The following USP45 variants were observed in gnomAD, a reference collection of about 807,000 sequenced individuals.
USP45 encodes the protein ubiquitin specific peptidase 45.
Under a neutral mutation model 95.8 loss-of-function variants are expected in USP45, and 89 were observed. The observed-to-expected ratio is 0.93, with a 90% CI of 0.78 to 1.11. The LOEUF (loss-of-function observed/expected upper bound fraction) is 1.11. Among genes scored for constraint, USP45 ranks in the 50% least tolerant of loss-of-function variants. The probability of loss-of-function intolerance (pLI) is 0.00; values close to 1 mark genes in which losing one functional copy is unlikely to be tolerated. For missense variants in USP45, 898 were observed against 942.5 expected, an observed-to-expected ratio of 0.95 and a Z score of 0.62; for synonymous variants, 281 against 316.2, an observed-to-expected ratio of 0.89 and a Z score of 1.18.
At chr6:99,469,953 T>C (rs1788982421) in intron 9 of USP45, among the ~76,000 whole-genome samples, 2 of 152,068 alleles carry the variant, frequency 1.3e-5, no homozygotes, top group South Asian at 4.1e-4. Flanking sequence ...ACAAGTTATA[T>C]ATATGGTATA....
chr6:99,507,617 C>T, intron 3 of USP45, 86 bp from the exon 4 acceptor site: 2 of 892,264 alleles, frequency 2.2e-6, no homozygotes, highest in South Asian at 3.3e-5. Context: ...CACACTTATA[C>T]TGAAAAGTTT....
chr6:99,479,601 C>A (rs77217503), intron 8 of USP45, among the ~76,000 whole-genome samples: 1,695 of 116,720 alleles, frequency 0.015, no homozygotes, highest in Non-Finnish European at 0.017. Flanking sequence ...TTCCAACAGA[C>A]AAAAAAAAAA....
rs1252834051 is a variant in USP45, at chr6:99,432,952, G to A, written c.*2764C>T. 6.6e-6 allele frequency: 1 copy of A among 152,492 alleles called. No homozygotes were observed. The highest frequency in any genetic ancestry group is 1.5e-5 in the Non-Finnish European group (1 of 68,026). 9.4% of individuals were successfully genotyped at this position (152,492 alleles called of 1,614,324 possible). ...AGCTCTGTTGGTACATTTAAAATAA[G>A]AGAACAGGCATCAACTATTCTTTGA... On this transcript the variant is annotated 3_prime_UTR_variant, in exon 18 of 18. Transcript: ENST00000500704.
intron 1 of USP45, among the ~76,000 whole-genome samples, chr6:99,510,983 A>T (rs1281578458): frequency 6.6e-6 from 1 of 152,216 alleles, no homozygotes; most frequent in Admixed American, 6.5e-5. Context: ...AGCATAGTAA[A>T]GCCACTCTAT....
intron 1 of USP45, among the ~76,000 whole-genome samples, chr6:99,511,160 G>T (rs1357329922): frequency 6.7e-6 from 1 of 149,828 alleles, no homozygotes; most frequent in African/African-American, 2.4e-5. Context: ...ATACTAATTA[G>T]ATTCCACATT....
At chr6:99,441,130 G>A (rs886734747) in intron 15 of USP45, among the ~76,000 whole-genome samples, 5 of 146,856 alleles carry the variant, frequency 3.4e-5, no homozygotes, top group African/African-American at 5.1e-5. Context: ...TAGGCCTTAC[G>A]TCTGGCATGA....
chr6:99,475,779 T>C (rs1412281195), intron 9 of USP45, among the ~76,000 whole-genome samples: 6 of 151,122 alleles, frequency 4.0e-5, no homozygotes, highest in Non-Finnish European at 8.8e-5. Context: ...ATTTCTCAAC[T>C]GTACTTTTAA....
intron 8 of USP45, among the ~76,000 whole-genome samples, chr6:99,478,090 A>C (rs1456490901): frequency 2.0e-5 from 3 of 152,184 alleles, no homozygotes; most frequent in Non-Finnish European, 4.4e-5. Context: ...CAGACACACA[A>C]GGAGGAAATC....
rs1179416569 is a variant in USP45, at chr6:99,479,192, A to T, written c.846-2962T>A. On this transcript the variant is annotated intron_variant, in intron 8 of 17. Coordinates refer to ENST00000500704, the MANE Select transcript of USP45 (RefSeq NM_001346022.3). ...CACACACACACACACACACATACACAAAGTGTATAGATATGTCAAAACTTA... is the reference window on the plus strand; with the variant it reads ...CACACACACACACACACACATACACTAAGTGTATAGATATGTCAAAACTTA... Among the ~76,000 whole-genome samples the T allele has an allele frequency of 6.3e-5, 9 of 143,876 alleles. No homozygotes were observed. In the Admixed American group the frequency reaches 6.5e-4, roughly 10 times the overall value. The allele number at this position is 143,876 out of a possible 152,430, so 94.4% of individuals were successfully genotyped here.
At chr6:99,455,101 AAC>A (rs1554230460) in intron 13 of USP45, among the ~76,000 whole-genome samples, 4 of 150,238 alleles carry the variant, frequency 2.7e-5, no homozygotes, top group Non-Finnish European at 4.4e-5. Context: ...AAAAAAAAAA[AAC>A]AAAAAACAAA....
At chr6:99,466,896 A>G in intron 10 of USP45, 133 bp from the exon 11 acceptor site, 2 of 633,832 alleles carry the variant, frequency 3.2e-6, no homozygotes, top group Non-Finnish European at 2.7e-6. Context: ...ACATTTTACT[A>G]TACATACAAC....
At chr6:99,476,275 T>C (rs769169691) in intron 8 of USP45, 45 bp from the exon 9 acceptor site, 6 of 1,560,166 alleles carry the variant, frequency 3.8e-6, no homozygotes, top group Non-Finnish European at 8.8e-7. Flanking sequence ...GAATAATCAT[T>C]CCATGGTTCA....
chr6:99,481,025 G>A (rs1019881465), intron 8 of USP45, among the ~76,000 whole-genome samples: 1 of 152,142 alleles, frequency 6.6e-6, no homozygotes, highest in African/African-American at 2.4e-5. Flanking sequence ...AGGCATGCTT[G>A]AGCCCAGGAA....
intron 4 of USP45, among the ~76,000 whole-genome samples, chr6:99,505,460 G>A (rs1339447294): frequency 6.6e-6 from 1 of 151,946 alleles, no homozygotes; most frequent in African/African-American, 2.4e-5. Flanking sequence ...GAGGTTGGGA[G>A]TTCGAGACTG....
At chr6:99,438,420 G>A (rs1375708150) in intron 16 of USP45, among the ~76,000 whole-genome samples, 1 of 152,142 alleles carries the variant, frequency 6.6e-6, no homozygotes, top group Non-Finnish European at 1.5e-5. Flanking sequence ...CAGGTAGAAT[G>A]TCATGGAGAA....
In USP45 at chr6:99,446,386, G is replaced by A; in HGVS notation, c.1386C>T (p.Asn462=). ...GETVTYQKNE[N]LEMNGDSLMF... ...TTAAAGAATCCCCATTCATTTCAAG[G>A]TTTTCATTTTTCTGGTATGTGACAG... Residue 462 remains asparagine, a synonymous_variant, in exon 14 of 18, where the codon AAC becomes AAT. Transcript: ENST00000500704. The A allele has an allele frequency of 6.2e-7, 1 of 1,613,994 alleles. No individual in the cohort carries two copies. The highest frequency in any genetic ancestry group is 2.2e-5 in the East Asian group (1 of 44,876).
intron 13 of USP45, among the ~76,000 whole-genome samples, chr6:99,456,252 T>G (rs1785069944): frequency 6.6e-6 from 1 of 151,822 alleles, no homozygotes. Context: ...AGAGGTATGT[T>G]AGTGAGTACA....
chr6:99,471,063 A>G (rs1297942698), intron 9 of USP45, among the ~76,000 whole-genome samples: 1 of 152,202 alleles, frequency 6.6e-6, no homozygotes, highest in East Asian at 1.9e-4. Flanking sequence ...CTGTGATTAC[A>G]CTCTAAAAAG....
At chr6:99,516,376 A>T (rs1801110131), upstream of USP45, among the ~76,000 whole-genome samples, 1 of 152,170 alleles carries the variant, frequency 6.6e-6, no homozygotes, top group Admixed American at 6.5e-5. Context: ...ATCTTTCACA[A>T]CTCTTCAGCC....
Sources: gnomAD v4.1 joint callset for allele counts (sites outside exome capture counted in the v4.1 genomes callset) on GRCh38, gnomAD v4.1.1 for gene constraint, MANE v1.5 for transcripts, NCBI Gene and HGNC (gene_info 2026-07-23, HGNC 2026-07-21) for gene names.